BDKRB2: variants seen among roughly 807,000 people sequenced by gnomAD.
The protein encoded by BDKRB2 is bradykinin receptor B2, also known as B2 bradykinin receptor.
Under a neutral mutation model 4.0 loss-of-function variants are expected in BDKRB2, and 6 were observed. The observed-to-expected ratio is 1.49, with a 90% CI of 0.81 to 2.93. The LOEUF is 2.93. BDKRB2 is among the 30% of genes most tolerant of loss of function. The probability of loss-of-function intolerance (pLI) is 0.00; values close to 1 mark genes in which losing one functional copy is unlikely to be tolerated. For missense variants in BDKRB2, 478 were observed against 520.1 expected (o/e 0.92, Z 0.79); for synonymous variants, 225 against 215.3 (o/e 1.05, Z -0.40).
intron 1 of BDKRB2, among the ~76,000 whole-genome samples, chr14:96,209,503 C>T (rs1229465110): frequency 6.6e-6 from 1 of 152,012 alleles, no homozygotes; most frequent in East Asian, 1.9e-4. Context: ...CTTCACTATT[C>T]AAAGGGAAAA....
Position 96,241,726 on chromosome 14 carries a change from C to A in BDKRB2, c.*222C>A. 1 of 616,176 alleles carries A rather than the reference C, an allele frequency of 1.6e-6. No homozygotes were observed. The highest frequency in any genetic ancestry group is 2.5e-6 in the Non-Finnish European group (1 of 404,502). 38.2% of individuals were successfully genotyped at this position (616,176 alleles called of 1,614,324 possible). Reference sequence around the variant, plus strand: ...CACGCACAGCCAAGGACTCCAAAATCACAACAGCATTACTGTTCTTATTTG... The same window carrying A: ...CACGCACAGCCAAGGACTCCAAAATAACAACAGCATTACTGTTCTTATTTG... On this transcript the variant is annotated 3_prime_UTR_variant, in exon 3 of 3. Coordinates refer to ENST00000554311, the MANE Select transcript of BDKRB2 (RefSeq NM_001379692.1).
At chr14:96,235,938 G>A (rs1390549988) in intron 1 of BDKRB2, among the ~76,000 whole-genome samples, 2 of 152,144 alleles carry the variant, frequency 1.3e-5, no homozygotes, top group African/African-American at 4.8e-5. Context: ...AAGGGAAAGA[G>A]GGGGGATTAA....
chr14:96,238,269 C>T (rs551952098), intron 2 of BDKRB2: 14 of 410,434 alleles, frequency 3.4e-5, no homozygotes, highest in South Asian at 3.0e-4. Context: ...CCTCACATGG[C>T]GGCTCACATC....
intron 1 of BDKRB2, among the ~76,000 whole-genome samples, chr14:96,220,161 A>G (rs1021333683): frequency 6.6e-6 from 1 of 152,026 alleles, no homozygotes; most frequent in African/African-American, 2.4e-5. Flanking sequence ...GAAGTCCCCA[A>G]GGGCATAGGG....
chr14:96,241,448 A>G lies in BDKRB2; in HGVS notation c.1120A>G (p.Ile374Val), dbSNP rs1595266790. The G allele has an allele frequency of 1.9e-6, 3 of 1,587,756 alleles. No homozygotes were observed. Among genetic ancestry groups the G allele is most frequent in the African/African-American group, 1.3e-5 (1 of 74,434 alleles). Residue 374 changes from isoleucine to valine, a missense_variant, in exon 3 of 3, where the codon ATC becomes GTC. Coordinates refer to ENST00000554311, the MANE Select transcript of BDKRB2 (RefSeq NM_001379692.1). ...CTCCATGGGCACACTGCGGACCTCCATCTCCGTGGAACGCCAGATTCACAA... is the reference window on the plus strand; with the variant it reads ...CTCCATGGGCACACTGCGGACCTCCGTCTCCGTGGAACGCCAGATTCACAA... ...ENSMGTLRTS[I>V]SVERQIHKLQ...
chr14:96,218,173 G>A (rs925001217), intron 1 of BDKRB2, among the ~76,000 whole-genome samples: 9 of 152,252 alleles, frequency 5.9e-5, no homozygotes, highest in Admixed American at 4.6e-4. Flanking sequence ...TGTGGAAAGT[G>A]CAGACGGGCA....
chr14:96,209,352 T>C (rs1243553522), intron 1 of BDKRB2, among the ~76,000 whole-genome samples: 4 of 152,220 alleles, frequency 2.6e-5, no homozygotes, highest in African/African-American at 9.6e-5. Flanking sequence ...AGACTTAGTG[T>C]TGTAAATCAA....
At chr14:96,232,852 G>T (rs1248696947) in intron 1 of BDKRB2, among the ~76,000 whole-genome samples, 1 of 152,082 alleles carries the variant, frequency 6.6e-6, no homozygotes, top group African/African-American at 2.4e-5. Context: ...CAGAAAATAC[G>T]GGACACAAGT....
At chr14:96,233,456 T>A (rs763036828) in intron 1 of BDKRB2, 8 of 152,284 alleles carry the variant, frequency 5.3e-5, no homozygotes, top group Non-Finnish European at 8.8e-5. Flanking sequence ...CCTCTCAGTG[T>A]CCCCAGTGCT....
At chr14:96,238,925 G>A in intron 2 of BDKRB2, 3 of 985,720 alleles carry the variant, frequency 3.0e-6, no homozygotes, top group Non-Finnish European at 3.6e-6. Flanking sequence ...TCAGGGCAGA[G>A]CTCAGCACAG....
chr14:96,220,786 C>T (rs1301317707), intron 1 of BDKRB2, among the ~76,000 whole-genome samples: 5 of 151,986 alleles, frequency 3.3e-5, no homozygotes, highest in Non-Finnish European at 7.4e-5. Flanking sequence ...GGCATCCTGG[C>T]TCAAAAGCCA....
At chr14:96,238,138 T>C in intron 2 of BDKRB2, 3 of 967,560 alleles carry the variant, frequency 3.1e-6, no homozygotes, top group South Asian at 4.6e-5. Flanking sequence ...CCAAGATGTC[T>C]GGGGCCTTGG....
intron 1 of BDKRB2, among the ~76,000 whole-genome samples, chr14:96,236,727 T>C (rs1890943115): frequency 6.6e-6 from 1 of 152,212 alleles, no homozygotes. Context: ...CCCTCCACCC[T>C]GTTTAGTTCT....
chr14:96,236,743 C>T (rs775002146), intron 1 of BDKRB2, among the ~76,000 whole-genome samples: 3 of 152,194 alleles, frequency 2.0e-5, no homozygotes, highest in Non-Finnish European at 2.9e-5. Flanking sequence ...GTTCTGCTCA[C>T]CCTCAGTGTT....
chr14:96,238,448 G>A lies in BDKRB2; in HGVS notation c.74+1267G>A, dbSNP rs922502052. Reference sequence around the variant, plus strand: ...TGAAATGAAGAATATCAAGTAATTCGGGGGGCATATGAAAGCCACCACACA... The same window carrying A: ...TGAAATGAAGAATATCAAGTAATTCAGGGGGCATATGAAAGCCACCACACA... On this transcript the variant is annotated intron_variant, in intron 2 of 2. Transcript: ENST00000554311. 17 of 983,428 alleles carry A rather than the reference G, an allele frequency of 1.7e-5. No homozygotes were observed. The African/African-American group carries it at 1.7e-4, about 10-fold the overall frequency. 60.9% of individuals were successfully genotyped at this position (983,428 alleles called of 1,614,324 possible).
chr14:96,240,249 C>T (rs1256525894), intron 2 of BDKRB2, 154 bp from the exon 3 acceptor site: 7 of 1,327,156 alleles, frequency 5.3e-6, no homozygotes, highest in Non-Finnish European at 6.7e-6. Flanking sequence ...GAGTCAGGTG[C>T]ACTGGAGCGC....
rs976257433 is a variant in BDKRB2, at chr14:96,223,170, T to G, written c.-39-13899T>G. Reference sequence around the variant, plus strand: ...ACGACGAGGAGTTTGAGTATCGACATGTCATGCTGCCCAAGGACATAGCCA... The same window carrying G: ...ACGACGAGGAGTTTGAGTATCGACAGGTCATGCTGCCCAAGGACATAGCCA... On this transcript the variant is annotated intron_variant, in intron 1 of 2. Coordinates refer to ENST00000554311, the MANE Select transcript of BDKRB2 (RefSeq NM_001379692.1). The G allele has an allele frequency of 9.4e-6, 11 of 1,169,802 alleles. No individual in the cohort carries two copies. In the African/African-American group the frequency reaches 1.4e-4, roughly 14 times the overall value. 72.5% of individuals were successfully genotyped at this position (1,169,802 alleles called of 1,614,324 possible). A position where few individuals can be genotyped will look rare whatever the true frequency, so the allele number is the denominator to read the frequency against.
intron 1 of BDKRB2, among the ~76,000 whole-genome samples, chr14:96,224,744 A>G (rs1479253520): frequency 6.6e-6 from 1 of 152,166 alleles, no homozygotes; most frequent in Non-Finnish European, 1.5e-5. Flanking sequence ...CCTGCAGATC[A>G]GCTCTAAGGA....
At chr14:96,237,574 A>C in intron 2 of BDKRB2, 1 of 1,121,486 alleles carries the variant, frequency 8.9e-7, no homozygotes, top group Non-Finnish European at 1.1e-6. Context: ...AGATCAGAAC[A>C]CCCTAAAGAG....
Sources: allele counts gnomAD v4.1 joint callset (sites outside exome capture counted in the v4.1 genomes callset), GRCh38; gene constraint gnomAD v4.1.1; transcripts MANE v1.5; gene names NCBI Gene and HGNC (gene_info 2026-07-23, HGNC 2026-07-21).